Variants in SLC6A5 observed in about 807,000 individuals in gnomAD.
The protein encoded by SLC6A5 is solute carrier family 6 member 5.
SLC6A5 carries 58 observed loss-of-function variants against 90.5 expected under a neutral mutation model. That is an observed-to-expected ratio of 0.64 (90% CI 0.52 to 0.80). SLC6A5 has a LOEUF of 0.80. Ranked by LOEUF, SLC6A5 falls within the 30% of genes least tolerant of loss-of-function variation. The pLI, the probability that SLC6A5 is intolerant of heterozygous loss-of-function variation, is 0.00. For synonymous variants in SLC6A5, 427 were observed against 401.4 expected (o/e 1.06, Z -0.76); for missense variants, 1,015 against 1,017.6 (o/e 1.00, Z 0.03).
intron 8 of SLC6A5, 73 bp from the exon 9 acceptor site, chr11:20,627,907 G>A: frequency 9.7e-7 from 1 of 1,032,540 alleles, no homozygotes; most frequent in Non-Finnish European, 1.5e-6. Context: ...ATATGGCACT[G>A]GGTGTGTGAC....
chr11:20,623,214 T>C (rs1894163), intron 7 of SLC6A5, among the ~76,000 whole-genome samples: 115,892 of 152,072 alleles, frequency 0.76, 44,587 homozygotes, highest in East Asian at 0.87. Context: ...AGGAGTGCAG[T>C]CCACCTCTGG....
intron 10 of SLC6A5, among the ~76,000 whole-genome samples, chr11:20,631,379 G>T (rs1190503624): frequency 6.6e-6 from 1 of 152,180 alleles, no homozygotes; most frequent in Admixed American, 6.5e-5. Flanking sequence ...GGATCGTGCT[G>T]GGTGGGTGGA....
intron 10 of SLC6A5, among the ~76,000 whole-genome samples, chr11:20,634,697 C>T (rs894627665): frequency 1.3e-5 from 2 of 152,130 alleles, no homozygotes; most frequent in African/African-American, 2.4e-5. Flanking sequence ...TCAATAAATG[C>T]GTAAAGCGGG....
chr11:20,617,688 CT>C, intron 6 of SLC6A5, 63 bp from the exon 7 acceptor site: 1 of 1,478,090 alleles, frequency 6.8e-7, no homozygotes, highest in Non-Finnish European at 9.4e-7. Context: ...TTAAAGCCTA[CT>C]GCCTGTCACC....
intron 14 of SLC6A5, among the ~76,000 whole-genome samples, chr11:20,648,070 C>G (rs775469192): frequency 1.3e-5 from 2 of 152,164 alleles, no homozygotes; most frequent in Non-Finnish European, 2.9e-5. Context: ...GCAAACACAG[C>G]AATTGACAGA....
Position 20,611,701 on chromosome 11 carries a change from A to T in SLC6A5, c.986-2978A>T, listed in dbSNP as rs78501982. ...AAACTCTATTTGCTTCCTGCGAGTAAATGACCAGGCTGAGCAGATCCTATC... is the reference window on the plus strand; with the variant it reads ...AAACTCTATTTGCTTCCTGCGAGTATATGACCAGGCTGAGCAGATCCTATC... On this transcript the variant is annotated intron_variant, in intron 5 of 15. Coordinates refer to ENST00000525748, the MANE Select transcript of SLC6A5 (RefSeq NM_004211.5). Among the ~76,000 whole-genome samples the T allele has an allele frequency of 0.033, 4,967 of 150,070 alleles. 426 individuals are homozygous for T. In the East Asian group the frequency reaches 0.35, roughly 11 times the overall value.
At chr11:20,638,427 A>C in intron 12 of SLC6A5, 32 bp from the exon 13 acceptor site, 1 of 1,351,192 alleles carries the variant, frequency 7.4e-7, no homozygotes, top group Non-Finnish European at 1.1e-6. Context: ...TTCAGGACGC[A>C]TTTGATATTG....
At chr11:20,637,074 CA>C in intron 11 of SLC6A5, 97 bp from the exon 12 acceptor site, 1 of 1,329,926 alleles carries the variant, frequency 7.5e-7, no homozygotes, top group South Asian at 1.2e-5. Context: ...AAACCTAACA[CA>C]AATACAACTT....
chr11:20,626,625 C>A, intron 7 of SLC6A5, 83 bp from the exon 8 acceptor site: 1 of 1,482,776 alleles, frequency 6.7e-7, no homozygotes, highest in Non-Finnish European at 9.4e-7. Flanking sequence ...CGCAGCCCCA[C>A]TCTTCCCCGA....
intron 13 of SLC6A5, among the ~76,000 whole-genome samples, chr11:20,642,362 A>G (rs973002371): frequency 7.9e-5 from 12 of 152,102 alleles, no homozygotes; most frequent in African/African-American, 2.2e-4. Context: ...ACTCTTTGAC[A>G]TCTCAGTTCA....
intron 10 of SLC6A5, among the ~76,000 whole-genome samples, chr11:20,634,941 C>A (rs1442446235): frequency 2.0e-5 from 3 of 152,134 alleles, no homozygotes; most frequent in Non-Finnish European, 4.4e-5. Flanking sequence ...CAGGAAAATT[C>A]ACAACTGCTG....
At chr11:20,632,946 A>G (rs539014055) in intron 10 of SLC6A5, among the ~76,000 whole-genome samples, 1 of 152,310 alleles carries the variant, frequency 6.6e-6, no homozygotes, top group South Asian at 2.1e-4. Flanking sequence ...CAAAATGATC[A>G]TCTTAAATCT....
intron 12 of SLC6A5, 124 bp downstream of exon 12, chr11:20,637,427 G>T: frequency 1.2e-6 from 1 of 838,228 alleles, no homozygotes; most frequent in Non-Finnish European, 2.0e-6. Flanking sequence ...CCATTTCCAT[G>T]TAGATGGCAC....
intron 11 of SLC6A5, 53 bp downstream of exon 11, chr11:20,636,472 C>A (rs546995283): frequency 2.5e-5 from 29 of 1,145,474 alleles, no homozygotes; most frequent in Non-Finnish European, 3.4e-5. Flanking sequence ...AAGACTCCCC[C>A]TCTCCTGGGT....
chr11:20,608,938 CTCTCTCTCTCTCTCTCTCTCTG>C (rs1222424491), intron 5 of SLC6A5, among the ~76,000 whole-genome samples: 1 of 91,444 alleles, frequency 1.1e-5, no homozygotes, highest in African/African-American at 3.7e-5. Flanking sequence ...CTCTCTCTCT[CTCTCTCTCTCTCTCTCTCTCTG>C]TGTGTGTGTG....
At position 20,617,865 on chromosome 11, in the gene SLC6A5, G is replaced by C; in HGVS notation, c.1241G>C (p.Gly414Ala). 1 of 1,613,922 alleles carries C rather than the reference G, an allele frequency of 6.2e-7. No homozygotes were observed. Among genetic ancestry groups the C allele is most frequent in the East Asian group, 2.2e-5 (1 of 44,850 alleles). Residue 414 changes from glycine (G) to alanine (A), a missense_variant, in exon 7 of 16, where the codon GGA becomes GCA. By Grantham distance (60) the Gly-to-Ala change is moderately conservative. Around this residue, in one of 3 missense-constraint regions of SLC6A5, gnomAD observed 442 missense variants for 494.3 expected, o/e 0.89. Coordinates refer to ENST00000525748, the MANE Select transcript of SLC6A5 (RefSeq NM_004211.5). ...WVIVYASLAK[G>A]IKTSGKVVYF... ...ATTGTGTATGCATCATTGGCTAAAG[G>C]AATCAAGACTTCAGGAAAAGTAAGC...
chr11:20,628,912 C>A (rs187519812), intron 9 of SLC6A5, among the ~76,000 whole-genome samples: 1 of 152,286 alleles, frequency 6.6e-6, no homozygotes, highest in East Asian at 1.9e-4. Context: ...AGGGGTCAGA[C>A]AAGGTGGATC....
chr11:20,608,848 A>T (rs1218618851), intron 5 of SLC6A5, among the ~76,000 whole-genome samples: 1 of 152,016 alleles, frequency 6.6e-6, no homozygotes, highest in African/African-American at 2.4e-5. Flanking sequence ...TCGCAGACCC[A>T]GAGAGATGAC....
At chr11:20,639,169 T>C (rs2133811526) in intron 13 of SLC6A5, among the ~76,000 whole-genome samples, 1 of 152,290 alleles carries the variant, frequency 6.6e-6, no homozygotes. Context: ...AGCTATCAGA[T>C]GCCATCTTTT....
Sources: allele counts gnomAD v4.1 joint callset (sites outside exome capture counted in the v4.1 genomes callset), GRCh38; gene constraint gnomAD v4.1.1; regional missense constraint gnomAD v4.1.1; transcripts MANE v1.5; gene names NCBI Gene and HGNC (gene_info 2026-07-23, HGNC 2026-07-21).